The following RASGRP3 variants were observed in gnomAD, a reference collection of about 807,000 sequenced individuals.
The protein encoded by RASGRP3 is ras guanyl-releasing protein 3.
In RASGRP3, 54 loss-of-function variants were observed where a neutral mutation model predicts 82.7. The ratio of observed to expected loss-of-function variants is 0.65; its 90% CI spans 0.52 to 0.82. The LOEUF is 0.82. Ranked by LOEUF, RASGRP3 falls within the 40% of genes least tolerant of loss-of-function variation. The pLI, the probability that RASGRP3 is intolerant of heterozygous loss-of-function variation, is 0.00. For synonymous variants in RASGRP3, 309 were observed against 300.5 expected (o/e 1.03, Z -0.29); for missense variants, 861 against 828.9 (o/e 1.04, Z -0.48).
chr2:33,439,980 G>A (rs77003756), intron 1 of RASGRP3, among the ~76,000 whole-genome samples: 7,106 of 152,164 alleles, frequency 0.047, 265 homozygotes, highest in African/African-American at 0.11. Flanking sequence ...ACAAACTGAC[G>A]CGTTTTGCAA....
At chr2:33,507,692 C>A (rs1345338016) in intron 1 of RASGRP3, among the ~76,000 whole-genome samples, 1 of 152,056 alleles carries the variant, frequency 6.6e-6, no homozygotes, top group East Asian at 1.9e-4. Flanking sequence ...CGCCTGGCTA[C>A]TTCTTGTATT....
intron 1 of RASGRP3, among the ~76,000 whole-genome samples, chr2:33,445,027 CACATACTTCCA>C (rs911302598): frequency 1.6e-4 from 25 of 152,308 alleles, no homozygotes; most frequent in African/African-American, 4.8e-4. Flanking sequence ...TGCACACACG[CACATACTTCCA>C]ACATTGTGAC....
chr2:33,511,014 T>A (rs954870679), intron 1 of RASGRP3, among the ~76,000 whole-genome samples: 2 of 152,226 alleles, frequency 1.3e-5, no homozygotes, highest in African/African-American at 4.8e-5. Context: ...ATGAACGTCC[T>A]TTTGCTACAA....
At chr2:33,452,042 T>C (rs1476403233) in intron 2 of RASGRP3, among the ~76,000 whole-genome samples, 1 of 152,166 alleles carries the variant, frequency 6.6e-6, no homozygotes, top group East Asian at 1.9e-4. Context: ...GTTCCATCAC[T>C]ATGTTCTTTA....
chr2:33,463,482 C>T (rs145138305), intron 2 of RASGRP3, among the ~76,000 whole-genome samples: 1 of 151,786 alleles, frequency 6.6e-6, no homozygotes, highest in East Asian at 1.9e-4. Flanking sequence ...ACCAATTTGT[C>T]TGGAAATTTG....
intron 1 of RASGRP3, among the ~76,000 whole-genome samples, chr2:33,437,002 T>C (rs932139742): frequency 4.6e-5 from 7 of 152,132 alleles, no homozygotes; most frequent in Non-Finnish European, 1.0e-4. Flanking sequence ...AAATAGGCCT[T>C]CAAGCAGAAA....
chr2:33,486,278 C>T (rs149484969), intron 1 of RASGRP3, among the ~76,000 whole-genome samples: 49 of 152,034 alleles, frequency 3.2e-4, no homozygotes, highest in Middle Eastern at 3.4e-3. Context: ...ATTCTCCTGC[C>T]TCAGCCTCCT....
At chr2:33,540,607 T>TGTGTGG in intron 12 of RASGRP3, among the ~76,000 whole-genome samples, 1 of 106,092 alleles carries the variant, frequency 9.4e-6, no homozygotes, top group Non-Finnish European at 2.2e-5. Flanking sequence ...TGTGTGTGTC[T>TGTGTGG]GGGGAATTTC....
chr2:33,555,270 G>T (rs1558524535), intron 14 of RASGRP3: 2 of 323,568 alleles, frequency 6.2e-6, no homozygotes, highest in Non-Finnish European at 1.1e-5. Context: ...CCAAAGTCTG[G>T]TGCATCAAAC....
At chr2:33,551,369 G>T (rs985406165) in intron 14 of RASGRP3, among the ~76,000 whole-genome samples, 11 of 152,170 alleles carry the variant, frequency 7.2e-5, no homozygotes, top group African/African-American at 2.6e-4. Context: ...GGAAATTTTT[G>T]GAAATACCTA....
chr2:33,474,375 G>T (rs1667235529), upstream of RASGRP3, among the ~76,000 whole-genome samples: 1 of 152,154 alleles, frequency 6.6e-6, no homozygotes, highest in Non-Finnish European at 1.5e-5. Flanking sequence ...TCACTCTGTT[G>T]CCCAGGCTGG....
intron 1 of RASGRP3, among the ~76,000 whole-genome samples, chr2:33,485,770 G>A (rs941359724): frequency 9.2e-5 from 14 of 152,158 alleles, no homozygotes; most frequent in African/African-American, 3.4e-4. Context: ...GTTTTTAGAA[G>A]GAATATTGCT....
intron 1 of RASGRP3, among the ~76,000 whole-genome samples, chr2:33,496,760 G>A (rs1250994897): frequency 6.6e-6 from 1 of 152,216 alleles, no homozygotes; most frequent in Non-Finnish European, 1.5e-5. Context: ...AGAAGGCTGA[G>A]ATGGGAGAAT....
chr2:33,546,975 A>G (rs2151085857), intron 13 of RASGRP3, among the ~76,000 whole-genome samples: 1 of 150,576 alleles, frequency 6.6e-6, no homozygotes, highest in Non-Finnish European at 1.5e-5. Context: ...CTTGAACCCA[A>G]GAGGGAGAGG....
intron 10 of RASGRP3, among the ~76,000 whole-genome samples, chr2:33,528,538 AG>A (rs1382338067): frequency 1.3e-5 from 2 of 152,228 alleles, no homozygotes; most frequent in Admixed American, 6.5e-5. Context: ...TCTGAAACTC[AG>A]CTGCAATACT....
At chr2:33,481,928 T>G (rs906483795) in intron 1 of RASGRP3, 2 of 152,190 alleles carry the variant, frequency 1.3e-5, no homozygotes, top group African/African-American at 4.8e-5. Context: ...GGTCTCGAAC[T>G]CCTGACCTCA....
intron 1 of RASGRP3, among the ~76,000 whole-genome samples, chr2:33,503,018 A>T (rs1670022089): frequency 6.6e-6 from 1 of 152,224 alleles, no homozygotes; most frequent in Non-Finnish European, 1.5e-5. Flanking sequence ...AAGAACTCCC[A>T]AAGTTCTCTT....
chr2:33,448,590 C>T (rs1398739931), intron 2 of RASGRP3, among the ~76,000 whole-genome samples: 1 of 151,854 alleles, frequency 6.6e-6, no homozygotes, highest in Non-Finnish European at 1.5e-5. Flanking sequence ...TATGATTCCA[C>T]TTATGTGAAA....
At chr2:33,484,823 G>A (rs1310915039) in intron 1 of RASGRP3, among the ~76,000 whole-genome samples, 1 of 152,210 alleles carries the variant, frequency 6.6e-6, no homozygotes, top group African/African-American at 2.4e-5. Context: ...CAGTGAGTAA[G>A]AGTCTAGTCC....
Sources: allele counts gnomAD v4.1 joint callset (sites outside exome capture counted in the v4.1 genomes callset), GRCh38; gene constraint gnomAD v4.1.1; transcripts MANE v1.5; gene names NCBI Gene and HGNC (gene_info 2026-07-23, HGNC 2026-07-21).